Variants in PCDHGA2 observed in about 807,000 individuals in gnomAD.
PCDHGA2 encodes the protein protocadherin gamma subfamily A, 2, also known as protocadherin gamma-A2.
A neutral mutation model predicts 59.2 loss-of-function variants in PCDHGA2; 40 were observed. The observed-to-expected ratio is 0.68, with a 90% confidence interval of 0.52 to 0.88. The LOEUF (loss-of-function observed/expected upper bound fraction) is 0.88, where lower values mean the gene tolerates loss of function less well. Ranked by LOEUF, PCDHGA2 falls within the 40% of genes least tolerant of loss-of-function variation. The pLI, the probability that PCDHGA2 is intolerant of heterozygous loss-of-function variation, is 0.00. For synonymous variants in PCDHGA2, 560 were observed against 526.0 expected (o/e 1.06, Z -0.89); for missense variants, 1,226 against 1,204.0 (o/e 1.02, Z -0.27).
intron 1 of PCDHGA2, chr5:141,394,095 G>C (rs1222166545): frequency 1.9e-6 from 3 of 1,613,848 alleles, no homozygotes; most frequent in Non-Finnish European, 2.5e-6. Flanking sequence ...CTCAGATCTA[G>C]GAACACCACC....
intron 1 of PCDHGA2, among the ~76,000 whole-genome samples, chr5:141,430,388 A>G (rs2097280501): frequency 6.6e-6 from 1 of 152,106 alleles, no homozygotes; most frequent in Non-Finnish European, 1.5e-5. Flanking sequence ...ATTGGGAAAA[A>G]AAAAAAAAGC....
chr5:141,388,373 T>TA (rs1239214460), intron 1 of PCDHGA2: 2 of 1,613,980 alleles, frequency 1.2e-6, no homozygotes, highest in African/African-American at 2.7e-5. Context: ...CGGATATTGG[T>TA]AGCAACACAC....
chr5:141,345,082 C>A (rs200905776), intron 1 of PCDHGA2: 1 of 1,613,836 alleles, frequency 6.2e-7, no homozygotes, highest in Non-Finnish European at 8.5e-7. Context: ...ATTACAATCA[C>A]GTCTCTCACA....
chr5:141,489,206 C>A lies in PCDHGA2; in HGVS notation c.2425-5601C>A. On this transcript the variant is annotated intron_variant, in intron 1 of 3. Transcript: ENST00000394576. This position sits in a 1 kb window ranked among gnomAD's most constrained non-coding sequence, Gnocchi z 4.5. ...TGGGTCTACCTTGGAGACAGGACAG[C>A]ACAGACTTACTCTCCACAAAGGGAC... 2 of 1,439,024 alleles carry A rather than the reference C, an allele frequency of 1.4e-6. No individual in the cohort carries two copies. Among genetic ancestry groups the A allele is most frequent in the Non-Finnish European group, 1.9e-6 (2 of 1,060,928 alleles). 89.1% of individuals were successfully genotyped at this position (1,439,024 alleles called of 1,614,324 possible). A position where few individuals can be genotyped will look rare whatever the true frequency, so the allele number is the denominator to read the frequency against.
intron 1 of PCDHGA2, chr5:141,355,552 CG>C: frequency 1.2e-6 from 2 of 1,613,938 alleles, no homozygotes; most frequent in South Asian, 2.2e-5. Flanking sequence ...GAAGATTTTG[CG>C]GGTAGAGGTG....
chr5:141,492,071 C>T (rs992716777), intron 1 of PCDHGA2: 7 of 481,874 alleles, frequency 1.5e-5, no homozygotes, highest in African/African-American at 1.4e-4. Context: ...CTCCTAGGCG[C>T]CGGCTCCGGC....
At chr5:141,457,736 T>G (rs1265562501) in intron 1 of PCDHGA2, among the ~76,000 whole-genome samples, 1 of 152,254 alleles carries the variant, frequency 6.6e-6, no homozygotes, top group African/African-American at 2.4e-5. Flanking sequence ...AGATTAGACT[T>G]TTAAAGCTGA....
chr5:141,476,556 C>G lies in PCDHGA2; in HGVS notation c.2425-18251C>G. On this transcript the variant is annotated intron_variant, in intron 1 of 3. Transcript: ENST00000394576. This position sits in a 1 kb window ranked among gnomAD's most constrained non-coding sequence, Gnocchi z 7.6. ...GAAATGAAATTGGAGATTAGCGAGG[C>G]CGTGGCTCCGGGGACGCGCTTTCCG... The G allele has an allele frequency of 6.2e-7, 1 of 1,614,234 alleles. No homozygotes were observed. The highest frequency in any genetic ancestry group is 8.5e-7 in the Non-Finnish European group (1 of 1,180,036).
intron 1 of PCDHGA2, among the ~76,000 whole-genome samples, chr5:141,438,498 CAT>C (rs2097963931): frequency 6.7e-6 from 1 of 149,704 alleles, no homozygotes; most frequent in African/African-American, 2.5e-5. Context: ...AAAAAAGAAT[CAT>C]AGTGCAAAAC....
chr5:141,400,081 G>A lies in PCDHGA2; in HGVS notation c.2424+58686G>A, dbSNP rs763547099. 3.7e-6 allele frequency: 6 copies of A among 1,613,902 alleles called. No homozygotes were observed. The highest frequency in any genetic ancestry group is 3.3e-5 in the Admixed American group (2 of 60,010). On this transcript the variant is annotated intron_variant, in intron 1 of 3. Transcript: ENST00000394576. ...TGATGGTGGACAGCCGCCACTCTCC[G>A]CCACCGCCACGCTGCACTTGGTCTT...
intron 1 of PCDHGA2, chr5:141,370,410 G>T (rs1294033268): frequency 6.4e-7 from 1 of 1,565,276 alleles, no homozygotes; most frequent in Non-Finnish European, 8.6e-7. Context: ...AAATAGCTCC[G>T]GATGGAGGGG....
rs1024937106 is a variant in PCDHGA2 at position 141,343,955 on chromosome 5, G to A, written c.2424+2560G>A. The stretch of plus-strand genomic sequence containing the variant: ...GTGAATTAGGCCCGTAAAAGACTTC[G>A]TTTCTTGAGAAAATAAGATTGGAGT... On this transcript the variant is annotated intron_variant, in intron 1 of 3. Transcript: ENST00000394576. The A allele has an allele frequency of 6.0e-6, 8 of 1,341,250 alleles. No individual in the cohort carries two copies. In the African/African-American group the frequency reaches 8.9e-5, roughly 15 times the overall value. The allele number at this position is 1,341,250 out of a possible 1,614,324, so 83.1% of individuals were successfully genotyped here. A position where few individuals can be genotyped will look rare whatever the true frequency, so the allele number is the denominator to read the frequency against.
At position 141,485,291 on chromosome 5, in the gene PCDHGA2, C is replaced by A. The variant is rs114678203; in HGVS notation, c.2425-9516C>A. 436 of 1,614,150 alleles carry A rather than the reference C, an allele frequency of 2.7e-4. No homozygotes were observed. Among genetic ancestry groups the A allele is most frequent in the Middle Eastern group, 8.2e-4 (5 of 6,062 alleles). Reference sequence around the variant, plus strand: ...CCGCTACCCGGTCCCAGAGGAGTCACAGGAAGGGACTTTTGTAGGGAATGT... The same window carrying A: ...CCGCTACCCGGTCCCAGAGGAGTCAAAGGAAGGGACTTTTGTAGGGAATGT... On this transcript the variant is annotated intron_variant, in intron 1 of 3. Coordinates refer to ENST00000394576, the MANE Select transcript of PCDHGA2 (RefSeq NM_018915.4). The surrounding 1 kb of genome is among the most constrained non-coding windows in gnomAD (Gnocchi z 5.7).
intron 1 of PCDHGA2, chr5:141,421,165 T>C: frequency 7.7e-7 from 1 of 1,297,018 alleles, no homozygotes; most frequent in Non-Finnish European, 1.0e-6. Flanking sequence ...ACTTCATAGA[T>C]ACATAAGCCG....
At chr5:141,446,595 GCCTCC>G (rs2098508132) in intron 1 of PCDHGA2, among the ~76,000 whole-genome samples, 2 of 152,012 alleles carry the variant, frequency 1.3e-5, no homozygotes, top group South Asian at 4.1e-4. Context: ...TTCTGCCTCA[GCCTCC>G]TGAGTAGCTG....
At chr5:141,427,365 TG>T (rs1391779401) in intron 1 of PCDHGA2, 2 of 457,804 alleles carry the variant, frequency 4.4e-6, no homozygotes, top group Non-Finnish European at 8.8e-6. Flanking sequence ...CGCAGAACCC[TG>T]GACGGTGATC....
intron 1 of PCDHGA2, chr5:141,351,220 A>T: frequency 4.3e-6 from 7 of 1,614,038 alleles, no homozygotes; most frequent in Non-Finnish European, 5.9e-6. Context: ...CTAAGGATGG[A>T]GGAGTACACA....
chr5:141,419,402 T>G (rs2096376244), intron 1 of PCDHGA2: 1 of 1,613,378 alleles, frequency 6.2e-7, no homozygotes, highest in African/African-American at 1.3e-5. Flanking sequence ...CGGGGTGGTG[T>G]TCGCGCAGCG....
intron 1 of PCDHGA2, among the ~76,000 whole-genome samples, chr5:141,460,646 C>T (rs1001365023): frequency 2.0e-5 from 3 of 151,954 alleles, no homozygotes; most frequent in African/African-American, 7.3e-5. Context: ...ACTGTGTTTA[C>T]ACATATGTAA....
Sources: allele counts gnomAD v4.1 joint callset (sites outside exome capture counted in the v4.1 genomes callset), GRCh38; gene constraint gnomAD v4.1.1; non-coding constraint Gnocchi (gnomAD v3.1); transcripts MANE v1.5; gene names NCBI Gene and HGNC (gene_info 2026-07-23, HGNC 2026-07-21).